Variants in SH3KBP1 observed in about 807,000 individuals in gnomAD.
The protein encoded by SH3KBP1 is SH3 domain containing kinase binding protein 1.
In SH3KBP1, 8 loss-of-function variants were observed where a neutral mutation model predicts 50.1. The ratio of observed to expected loss-of-function variants is 0.16; its 90% CI spans 0.09 to 0.29. The LOEUF (loss-of-function observed/expected upper bound fraction) is 0.29, where lower values mean the gene tolerates loss of function less well. Ranked by LOEUF, SH3KBP1 falls within the 10% of genes least tolerant of loss-of-function variation. SH3KBP1 has a pLI of 1.00. For missense variants in SH3KBP1, 377 were observed against 535.2 expected (o/e 0.70, Z 2.92); for synonymous variants, 227 against 218.6 (o/e 1.04, Z -0.34).
chrX:19,537,442 A>G (rs2064747032), intron 17 of SH3KBP1, among the ~76,000 whole-genome samples: 1 of 103,085 alleles, frequency 9.7e-6, no homozygotes. Context: ...TGGGTCACAG[A>G]GCGAGACTCC....
At chrX:19,566,716 T>G (rs5909124) in intron 13 of SH3KBP1, among the ~76,000 whole-genome samples, 27,516 of 111,246 alleles carry the variant, frequency 0.25, 2,759 homozygotes, top group African/African-American at 0.37. Context: ...GAGTTTCTGT[T>G]ATTGCATCAG....
chrX:19,639,586 C>G (rs1602764676), intron 7 of SH3KBP1, among the ~76,000 whole-genome samples: 1 of 111,170 alleles, frequency 9.0e-6, no homozygotes, highest in Non-Finnish European at 1.9e-5. Flanking sequence ...TGGGCACCCT[C>G]CTGGGAAGGC....
At chrX:19,775,646 A>G (rs2065948589) in intron 2 of SH3KBP1, among the ~76,000 whole-genome samples, 2 of 111,578 alleles carry the variant, frequency 1.8e-5, no homozygotes, top group African/African-American at 6.5e-5. Context: ...TCCTTGGTCT[A>G]TTTGGAGTAC....
At chrX:19,838,489 T>A (rs180852727) in intron 1 of SH3KBP1, among the ~76,000 whole-genome samples, 1 of 112,644 alleles carries the variant, frequency 8.9e-6, no homozygotes, top group African/African-American at 3.2e-5. Flanking sequence ...CTTATGGCTA[T>A]GACCCCTTCT....
Position 19,887,444 on chromosome X carries a change from C to G in SH3KBP1, c.-134G>C. ...GACGCGGCGGCGGCTGGGCCGGCTT[C>G]TTCCTCAGTGGCGGCGGCGGCGGCT... is the stretch of plus-strand genomic sequence containing the variant. On this transcript the variant is annotated 5_prime_UTR_variant, in exon 1 of 18. Transcript: ENST00000397821. 4.1e-6 allele frequency: 2 copies of G among 485,607 alleles called. No individual in the cohort carries two copies. The highest frequency in any genetic ancestry group is 5.7e-6 in the Non-Finnish European group (2 of 348,988). 40.0% of individuals were successfully genotyped at this position (485,607 alleles called of 1,213,427 possible).
chrX:19,654,530 T>A (rs2062222874), intron 6 of SH3KBP1, among the ~76,000 whole-genome samples: 1 of 111,979 alleles, frequency 8.9e-6, no homozygotes, highest in Non-Finnish European at 1.9e-5. Context: ...GCCTGCATGC[T>A]ATTTTGTTGT....
At chrX:19,737,139 T>C (rs1343025828) in intron 3 of SH3KBP1, among the ~76,000 whole-genome samples, 4 of 111,093 alleles carry the variant, frequency 3.6e-5, no homozygotes, top group East Asian at 2.8e-4. Flanking sequence ...CTTGAACTCC[T>C]GGGCTTAAGA....
intron 6 of SH3KBP1, among the ~76,000 whole-genome samples, chrX:19,647,096 G>A (rs1261452110): frequency 8.9e-6 from 1 of 112,120 alleles, no homozygotes; most frequent in African/African-American, 3.2e-5. Flanking sequence ...CACACTTCTA[G>A]CAGCATCCCT....
chrX:19,657,454 G>A (rs1246774070), intron 6 of SH3KBP1, among the ~76,000 whole-genome samples: 1 of 109,251 alleles, frequency 9.2e-6, no homozygotes, highest in Non-Finnish European at 1.9e-5. Context: ...AATTGGCCGG[G>A]CATGGTGGCT....
chrX:19,803,356 C>A (rs1261138066), intron 2 of SH3KBP1, among the ~76,000 whole-genome samples: 1 of 111,550 alleles, frequency 9.0e-6, no homozygotes, highest in Non-Finnish European at 1.9e-5. Flanking sequence ...AAGCCAGGCA[C>A]ACACCACCAT....
intron 13 of SH3KBP1, among the ~76,000 whole-genome samples, chrX:19,565,281 C>T (rs770988122): frequency 1.8e-5 from 2 of 109,185 alleles, no homozygotes; most frequent in South Asian, 4.0e-4. Context: ...AGGCTGGTCT[C>T]GAACTCCTGA....
intron 13 of SH3KBP1, among the ~76,000 whole-genome samples, chrX:19,550,768 C>T (rs981173995): frequency 1.8e-5 from 2 of 110,420 alleles, no homozygotes; most frequent in East Asian, 2.8e-4. Context: ...GACCATGTGG[C>T]CATCTAGTCA....
rs1270565889 is a variant in SH3KBP1 at position 19,747,768 on chromosome X, C to G, written c.163-1327G>C. The G allele has an allele frequency of 4.5e-5, 15 of 329,947 alleles. No homozygotes were observed. The Admixed American group carries it at 4.8e-4, about 11-fold the overall frequency. 27.2% of individuals were successfully genotyped at this position (329,947 alleles called of 1,213,427 possible). ...ACCAACAACTGGGGCTGGCGCTTTGCTAGGTTGAGTGTTTCAACTGGCGTC... is the reference window on the plus strand; with the variant it reads ...ACCAACAACTGGGGCTGGCGCTTTGGTAGGTTGAGTGTTTCAACTGGCGTC... On this transcript the variant is annotated intron_variant, in intron 2 of 17. Transcript: ENST00000397821.
chrX:19,722,808 G>C (rs750996396), intron 3 of SH3KBP1, among the ~76,000 whole-genome samples: 1 of 100,912 alleles, frequency 9.9e-6, no homozygotes, highest in South Asian at 4.2e-4. Context: ...AGAGGCATCT[G>C]ACCAGTTCTT....
chrX:19,778,706 G>GA (rs1385673840), intron 2 of SH3KBP1, among the ~76,000 whole-genome samples: 1 of 110,822 alleles, frequency 9.0e-6, no homozygotes, highest in Non-Finnish European at 1.9e-5. Context: ...TCCCATGACT[G>GA]ACTTTCCACC....
At chrX:19,830,327 G>A (rs1194245438) in intron 2 of SH3KBP1, among the ~76,000 whole-genome samples, 2 of 105,571 alleles carry the variant, frequency 1.9e-5, no homozygotes, top group African/African-American at 7.1e-5. Flanking sequence ...ATAGAGGTAC[G>A]CACTTACGTA....
chrX:19,558,632 CTGT>C (rs1238572777), intron 13 of SH3KBP1, among the ~76,000 whole-genome samples: 1 of 111,712 alleles, frequency 9.0e-6, no homozygotes, highest in Non-Finnish European at 1.9e-5. Context: ...ATTTTCAAGT[CTGT>C]TGTTAACTAT....
chrX:19,737,826 A>G (rs1242388021), intron 3 of SH3KBP1, among the ~76,000 whole-genome samples: 1 of 112,342 alleles, frequency 8.9e-6, no homozygotes, highest in African/African-American at 3.2e-5. Context: ...GATCAGAGGG[A>G]AAATTCCCTT....
chrX:19,581,693 G>C (rs749918334), intron 12 of SH3KBP1, among the ~76,000 whole-genome samples: 29 of 109,967 alleles, frequency 2.6e-4, no homozygotes, highest in African/African-American at 9.6e-4. Context: ...TCTTAAGTTG[G>C]TCCCAAGAGA....
Sources: gnomAD v4.1 joint callset for allele counts (sites outside exome capture counted in the v4.1 genomes callset) on GRCh38, gnomAD v4.1.1 for gene constraint, MANE v1.5 for transcripts, NCBI Gene and HGNC (gene_info 2026-07-23, HGNC 2026-07-21) for gene names.